The following UBTD1 variants were observed in gnomAD, a reference collection of about 807,000 sequenced individuals.
The protein encoded by UBTD1 is ubiquitin domain-containing protein 1.
A neutral mutation model predicts 21.7 loss-of-function variants in UBTD1; 19 were observed. The ratio of observed to expected loss-of-function variants is 0.87; its 90% CI spans 0.61 to 1.28. The LOEUF (loss-of-function observed/expected upper bound fraction) is 1.28. UBTD1 is among the 50% of genes most tolerant of loss of function. The pLI is 0.00. For synonymous variants in UBTD1, 116 were observed against 135.1 expected (o/e 0.86, Z 0.98); for missense variants, 282 against 315.1 (o/e 0.89, Z 0.80).
intron 1 of UBTD1, among the ~76,000 whole-genome samples, chr10:97,525,198 A>G (rs1355434246): frequency 6.6e-6 from 1 of 152,212 alleles, no homozygotes; most frequent in East Asian, 1.9e-4. Context: ...AAAGAAGGCA[A>G]TTTCTGCCTT....
At chr10:97,521,191 G>C (rs988434294) in intron 1 of UBTD1, among the ~76,000 whole-genome samples, 4 of 152,184 alleles carry the variant, frequency 2.6e-5, no homozygotes, top group Admixed American at 2.6e-4. Context: ...CCTGGGACCC[G>C]CCTTTCATTC....
chr10:97,508,056 G>C (rs1326710183), intron 1 of UBTD1, among the ~76,000 whole-genome samples: 5 of 152,180 alleles, frequency 3.3e-5, no homozygotes, highest in South Asian at 2.1e-4. Context: ...ACCTTTGCAG[G>C]GTGTTTGCCA....
At chr10:97,510,621 T>C (rs1332544865) in intron 1 of UBTD1, among the ~76,000 whole-genome samples, 1 of 152,176 alleles carries the variant, frequency 6.6e-6, no homozygotes, top group East Asian at 1.9e-4. Flanking sequence ...CTTGATGCTA[T>C]ATTATAGCCA....
intron 1 of UBTD1, among the ~76,000 whole-genome samples, chr10:97,535,232 G>A (rs965741344): frequency 1.3e-5 from 2 of 152,128 alleles, no homozygotes; most frequent in African/African-American, 2.4e-5. Flanking sequence ...CCGTGTGAAC[G>A]GCTAGTTCCC....
rs560316926 is a variant in UBTD1 at position 97,561,079 on chromosome 10, A to G, written c.71-6835A>G. ...GTCTTACCAAGTTTCAGATGTCCGGACTCCAAGTACCGGTTCCTTCCTGGT... is the reference window on the plus strand; with the variant it reads ...GTCTTACCAAGTTTCAGATGTCCGGGCTCCAAGTACCGGTTCCTTCCTGGT... On this transcript the variant is annotated intron_variant, in intron 1 of 2. Transcript: ENST00000370664. Among the ~76,000 whole-genome samples, 4 of 151,990 alleles carry G rather than the reference A, an allele frequency of 2.6e-5. No individual in the cohort carries two copies. The South Asian group carries it at 8.3e-4, about 32-fold the overall frequency.
intron 1 of UBTD1, among the ~76,000 whole-genome samples, chr10:97,528,136 C>G (rs1402230225): frequency 1.1e-5 from 1 of 94,898 alleles, no homozygotes; most frequent in Non-Finnish European, 2.2e-5. Flanking sequence ...CTGACCCCCC[C>G]ACCTCCCTCC....
chr10:97,544,860 A>G (rs2040601659), intron 1 of UBTD1, among the ~76,000 whole-genome samples: 1 of 151,998 alleles, frequency 6.6e-6, no homozygotes, highest in South Asian at 2.1e-4. Context: ...AGGAAGAGAA[A>G]ATATATTTAC....
chr10:97,513,408 G>C (rs1485873062), intron 1 of UBTD1, among the ~76,000 whole-genome samples: 2 of 152,184 alleles, frequency 1.3e-5, no homozygotes, highest in African/African-American at 2.4e-5. Context: ...AACAAGAGTT[G>C]GGATGAGAGA....
intron 1 of UBTD1, among the ~76,000 whole-genome samples, chr10:97,506,236 G>T (rs1042256164): frequency 6.6e-5 from 10 of 152,224 alleles, no homozygotes; most frequent in Non-Finnish European, 7.3e-5. Flanking sequence ...CACTGGCACT[G>T]CAGGAAGGCT....
chr10:97,526,777 C>T (rs1016909887), intron 1 of UBTD1, among the ~76,000 whole-genome samples: 1 of 151,012 alleles, frequency 6.6e-6, no homozygotes, highest in South Asian at 2.1e-4. Context: ...CTTGCTTGAA[C>T]CTGGGAGGCA....
chr10:97,505,075 T>A (rs977879939), intron 1 of UBTD1, among the ~76,000 whole-genome samples: 6 of 152,162 alleles, frequency 3.9e-5, no homozygotes, highest in Non-Finnish European at 1.5e-5. Flanking sequence ...TTTGTAGTCC[T>A]TAACTCGCAG....
chr10:97,515,552 C>T, intron 1 of UBTD1, among the ~76,000 whole-genome samples: 1 of 152,118 alleles, frequency 6.6e-6, no homozygotes, highest in Non-Finnish European at 1.5e-5. Flanking sequence ...GACTCAGGAC[C>T]CCACGGCAGG....
rs536548733 is a variant in UBTD1 at position 97,570,934 on chromosome 10, C to T, written c.*411C>T. ...CCATCCCCTGGCTCTCCCCTGGGCA[C>T]AGTGCCACTCCCTTGGAAGGGAGGG... On this transcript the variant is annotated 3_prime_UTR_variant, in exon 3 of 3. Transcript: ENST00000370664. The surrounding 1 kb of genome is among the most constrained non-coding windows in gnomAD (Gnocchi z 6.6). The T allele has an allele frequency of 1.1e-5, 2 of 176,632 alleles. No homozygotes were observed. The highest frequency in any genetic ancestry group is 2.5e-5 in the Non-Finnish European group (2 of 81,284). The allele number at this position is 176,632 out of a possible 1,614,324, so 10.9% of individuals were successfully genotyped here. A position where few individuals can be genotyped will look rare whatever the true frequency, so the allele number is the denominator to read the frequency against.
At chr10:97,553,464 C>A (rs1564743294) in intron 1 of UBTD1, among the ~76,000 whole-genome samples, 2 of 152,234 alleles carry the variant, frequency 1.3e-5, no homozygotes, top group Non-Finnish European at 1.5e-5. Context: ...TTAATATGTT[C>A]ATCATCGACT....
At chr10:97,509,523 C>T (rs1176226123) in intron 1 of UBTD1, among the ~76,000 whole-genome samples, 4 of 152,206 alleles carry the variant, frequency 2.6e-5, no homozygotes. Flanking sequence ...ACCCTTGTTC[C>T]ACCCCCACTT....
In UBTD1 at chr10:97,498,970, G is replaced by C. The variant is rs558121620; in HGVS notation, c.-234G>C. Reference sequence around the variant, plus strand: ...CTGGTCTCCGGCCGGGCACCGTCGCGGGCCCCCCTGGCCCGGCCACCTGGG... The same window carrying C: ...CTGGTCTCCGGCCGGGCACCGTCGCCGGCCCCCCTGGCCCGGCCACCTGGG... On this transcript the variant is annotated 5_prime_UTR_variant, in exon 1 of 3. Coordinates refer to ENST00000370664, the MANE Select transcript of UBTD1 (RefSeq NM_024954.5). 1.4e-4 allele frequency: 62 copies of C among 448,542 alleles called. No individual in the cohort carries two copies. The highest frequency in any genetic ancestry group is 4.3e-4 in the African/African-American group (21 of 48,688). The allele number at this position is 448,542 out of a possible 1,614,324, so 27.8% of individuals were successfully genotyped here.
intron 1 of UBTD1, among the ~76,000 whole-genome samples, chr10:97,552,251 A>G (rs540556431): frequency 1.3e-5 from 2 of 152,126 alleles, no homozygotes; most frequent in South Asian, 2.1e-4. Flanking sequence ...GTACATGCCT[A>G]TAATCACAGC....
chr10:97,560,279 G>GTC (rs1469365168), intron 1 of UBTD1, among the ~76,000 whole-genome samples: 9 of 152,152 alleles, frequency 5.9e-5, no homozygotes, highest in African/African-American at 2.2e-4. Context: ...GGACTAGACT[G>GTC]TCTAAGGCCA....
chr10:97,551,049 C>T (rs2040634695), intron 1 of UBTD1, among the ~76,000 whole-genome samples: 1 of 152,182 alleles, frequency 6.6e-6, no homozygotes, highest in African/African-American at 2.4e-5. Flanking sequence ...GCTGTGTTTA[C>T]AAATAGGTTC....
Sources: gnomAD v4.1 joint callset for allele counts (sites outside exome capture counted in the v4.1 genomes callset) on GRCh38, gnomAD v4.1.1 for gene constraint, Gnocchi (gnomAD v3.1) non-coding constraint, MANE v1.5 for transcripts, NCBI Gene and HGNC (gene_info 2026-07-23, HGNC 2026-07-21) for gene names.